Variants in GREB1 observed in about 807,000 individuals in gnomAD.
The protein encoded by GREB1 is protein GREB1.
GREB1 carries 106 observed loss-of-function variants against 200.7 expected under a neutral mutation model. The observed-to-expected ratio is 0.53, with a 90% confidence interval of 0.45 to 0.62. The LOEUF (loss-of-function observed/expected upper bound fraction) is 0.62, where lower values mean the gene tolerates loss of function less well. Among genes scored for constraint, GREB1 ranks in the 20% least tolerant of loss-of-function variants. The pLI is 0.00. For missense variants in GREB1, 2,243 were observed against 2,556.8 expected, an observed-to-expected ratio of 0.88 and a Z score of 2.65; for synonymous variants, 1,132 against 1,092.4, an observed-to-expected ratio of 1.04 and a Z score of -0.72.
upstream of GREB1, among the ~76,000 whole-genome samples, chr2:11,533,788 A>G (rs1487247787): frequency 6.6e-6 from 1 of 152,188 alleles, no homozygotes; most frequent in Non-Finnish European, 1.5e-5. Flanking sequence ...TAGAATCTGC[A>G]CACCATGCTC....
At chr2:11,636,110 T>G (rs539416097) in intron 30 of GREB1, among the ~76,000 whole-genome samples, 1 of 152,350 alleles carries the variant, frequency 6.6e-6, no homozygotes, top group African/African-American at 2.4e-5. Flanking sequence ...GGACACCAGC[T>G]CCATCTCCAC....
chr2:11,573,010 A>T (rs986912846), intron 4 of GREB1, among the ~76,000 whole-genome samples: 6 of 152,198 alleles, frequency 3.9e-5, no homozygotes, highest in Non-Finnish European at 7.3e-5. Flanking sequence ...TGATAGGTGC[A>T]CTATGAAGCC....
At chr2:11,521,452 A>G (rs945441828) in intron 1 of GREB1, among the ~76,000 whole-genome samples, 5 of 152,218 alleles carry the variant, frequency 3.3e-5, no homozygotes, top group Admixed American at 6.5e-5. Flanking sequence ...ATTCAAGGAT[A>G]TTAAAAAAAT....
chr2:11,576,684 T>C, intron 5 of GREB1, 149 bp downstream of exon 5: 2 of 616,480 alleles, frequency 3.2e-6, no homozygotes, highest in East Asian at 5.4e-5. Flanking sequence ...AAATGCTCCT[T>C]TGCGTTACGG....
At chr2:11,543,717 C>T (rs1197504608) in intron 1 of GREB1, among the ~76,000 whole-genome samples, 6 of 152,156 alleles carry the variant, frequency 3.9e-5, no homozygotes, top group Non-Finnish European at 5.9e-5. Flanking sequence ...CCTGTAAGAC[C>T]TTCTCTATGA....
At chr2:11,490,535 G>A (rs1227436408) in intron 1 of GREB1, among the ~76,000 whole-genome samples, 1 of 152,014 alleles carries the variant, frequency 6.6e-6, no homozygotes, top group Admixed American at 6.6e-5. Flanking sequence ...ACAAATTTTT[G>A]GTATGGAAAT....
At chr2:11,544,443 C>T (rs890756778) in intron 1 of GREB1, among the ~76,000 whole-genome samples, 1 of 152,104 alleles carries the variant, frequency 6.6e-6, no homozygotes, top group Admixed American at 6.5e-5. Context: ...GTCTCGATCT[C>T]CTGACTTTGT....
Position 11,619,899 on chromosome 2 carries a change from G to A in GREB1, c.4044+980G>A, listed in dbSNP as rs558311245. Among the ~76,000 whole-genome samples the A allele has an allele frequency of 4.6e-5, 7 of 152,278 alleles. No homozygotes were observed. In the East Asian group the frequency reaches 1.4e-3, roughly 29 times the overall value. ...TAAAGTTAGTTATTTCCATTCATTG[G>A]CATTTACTGAGTTGTAGCATGAACC... is the stretch of plus-strand genomic sequence containing the variant. On this transcript the variant is annotated intron_variant, in intron 22 of 32. Transcript: ENST00000381486.
intron 10 of GREB1, chr2:11,592,141 C>T (rs1680784033): frequency 1.0e-6 from 1 of 969,246 alleles, no homozygotes; most frequent in Non-Finnish European, 1.2e-6. Context: ...TGTTTAAAGA[C>T]CTTCTCTAAC....
rs866757445 is a variant in GREB1 at position 11,640,717 on chromosome 2, C to T, written c.*263C>T. 14 of 432,172 alleles carry T rather than the reference C, an allele frequency of 3.2e-5. No individual in the cohort carries two copies. Among genetic ancestry groups the T allele is most frequent in the Middle Eastern group, 5.9e-4 (1 of 1,702 alleles). 26.8% of individuals were successfully genotyped at this position (432,172 alleles called of 1,614,324 possible). A position where few individuals can be genotyped will look rare whatever the true frequency, so the allele number is the denominator to read the frequency against. ...CTGGGCTGTTTTAAAGCCCATTTCA[C>T]GAGGAACAAAGATTTACTTCCTGTC... On this transcript the variant is annotated 3_prime_UTR_variant, in exon 33 of 33. Coordinates refer to ENST00000381486, the MANE Select transcript of GREB1 (RefSeq NM_014668.4). This position sits in a 1 kb window ranked among gnomAD's most constrained non-coding sequence, Gnocchi z 4.6.
rs773793865 is a variant in GREB1, at chr2:11,618,959, G to A, written c.4044+40G>A. On this transcript the variant is annotated intron_variant, in intron 22 of 32. Transcript: ENST00000381486. Reference sequence around the variant, plus strand: ...CTGCCCCAGCACAGCCCCGGACTGGGGGGGTCCTCACACTCCCATCTGGAG... The same window carrying A: ...CTGCCCCAGCACAGCCCCGGACTGGAGGGGTCCTCACACTCCCATCTGGAG... The A allele has an allele frequency of 5.5e-6, 8 of 1,444,010 alleles. No individual in the cohort carries two copies. The East Asian group carries it at 7.5e-5, about 13-fold the overall frequency. The allele number at this position is 1,444,010 out of a possible 1,614,324, so 89.4% of individuals were successfully genotyped here. A position where few individuals can be genotyped will look rare whatever the true frequency, so the allele number is the denominator to read the frequency against.
Position 11,610,953 on chromosome 2 carries a change from G to A in GREB1, c.2932G>A (p.Glu978Lys). The change falls in exon 18 of 33, where the codon GAG becomes AAG. Residue 978 changes from glutamate (E) to lysine (K), a missense_variant. This residue lies in a region of GREB1 where 1,178 missense variants were observed against 1,387.4 expected (regional missense o/e 0.85). Transcript: ENST00000381486. ...CGTGCGGGCCCGGCTGGCGCTGGAG[G>A]AGCACTTTGAGATCATCCTGGGCAG... ...AHVRARLALE[E>K]HFEIILGSPS... 6.2e-7 allele frequency: 1 copy of A among 1,609,658 alleles called. No homozygotes were observed. The highest frequency in any genetic ancestry group is 8.5e-7 in the Non-Finnish European group (1 of 1,178,428).
rs1680399997 is a variant in GREB1, at chr2:11,588,523, G to T, written c.1160-223G>T. 24 of 602,570 alleles carry T rather than the reference G, an allele frequency of 4.0e-5. No homozygotes were observed. The South Asian group carries it at 4.5e-4, about 11-fold the overall frequency. 37.3% of individuals were successfully genotyped at this position (602,570 alleles called of 1,614,324 possible). The stretch of plus-strand genomic sequence containing the variant: ...AGGATTGGACGAAATGAACCAGCAA[G>T]TGGCACAGCCCCATTGGTTAGAAAA... On this transcript the variant is annotated intron_variant, in intron 9 of 32. Coordinates refer to ENST00000381486, the MANE Select transcript of GREB1 (RefSeq NM_014668.4).
intron 1 of GREB1, chr2:11,542,693 A>T (rs901377072): frequency 3.3e-5 from 5 of 152,560 alleles, no homozygotes; most frequent in African/African-American, 1.2e-4. Context: ...GAGAACAGAC[A>T]CGGGGCGGCT....
intron 1 of GREB1, among the ~76,000 whole-genome samples, chr2:11,534,731 C>A (rs1674213877): frequency 6.6e-6 from 1 of 152,176 alleles, no homozygotes; most frequent in African/African-American, 2.4e-5. Context: ...GGGATGTGTG[C>A]TTCTTCTTCA....
At chr2:11,605,231 T>G (rs1478525409) in intron 17 of GREB1, among the ~76,000 whole-genome samples, 1 of 149,600 alleles carries the variant, frequency 6.7e-6, no homozygotes, top group African/African-American at 2.4e-5. Context: ...ATATCTTTTT[T>G]TTTCTTTTTT....
intron 19 of GREB1, among the ~76,000 whole-genome samples, chr2:11,614,550 TTTG>T (rs201660973): frequency 0.019 from 2,921 of 151,736 alleles, 95 homozygotes; most frequent in African/African-American, 0.067. Flanking sequence ...GCCCCCCCTT[TTTG>T]TTGTTGTTGT....
intron 19 of GREB1, 23 bp from the exon 20 acceptor site, chr2:11,615,068 C>T: frequency 6.3e-7 from 1 of 1,588,370 alleles, no homozygotes; most frequent in Non-Finnish European, 8.6e-7. Flanking sequence ...ACTAAACAGA[C>T]ACCTTCTTCT....
At chr2:11,622,443 A>G (rs183728387) in intron 23 of GREB1, among the ~76,000 whole-genome samples, 2 of 152,322 alleles carry the variant, frequency 1.3e-5, no homozygotes, top group African/African-American at 2.4e-5. Flanking sequence ...CACTCTGCCC[A>G]TGTGTGTACT....
Sources: gnomAD v4.1 joint callset for allele counts (sites outside exome capture counted in the v4.1 genomes callset) on GRCh38, gnomAD v4.1.1 for gene constraint, gnomAD v4.1.1 regional missense constraint, Gnocchi (gnomAD v3.1) non-coding constraint, MANE v1.5 for transcripts, NCBI Gene and HGNC (gene_info 2026-07-23, HGNC 2026-07-21) for gene names.